MYLK: variants seen among roughly 807,000 people sequenced by gnomAD.
MYLK encodes the protein myosin light chain kinase, also known as myosin light chain kinase, smooth muscle.
MYLK carries 106 observed loss-of-function variants against 203.4 expected under a neutral mutation model. The observed-to-expected ratio is 0.52, with a 90% CI of 0.45 to 0.61. MYLK has a LOEUF of 0.61. MYLK is among the 20% of genes least tolerant of loss of function. The pLI is 0.00. For synonymous variants in MYLK, 867 were observed against 959.5 expected (o/e 0.90, Z 1.78); for missense variants, 2,072 against 2,442.3 (o/e 0.85, Z 3.20).
chr3:123,757,283 C>T (rs1256749642), intron 4 of MYLK, among the ~76,000 whole-genome samples: 1 of 152,168 alleles, frequency 6.6e-6, no homozygotes, highest in Admixed American at 6.5e-5. Context: ...ATTCTTTGTC[C>T]CTATAGGTCC....
rs376858063 is a variant in MYLK at position 123,834,608 on chromosome 3, T to C, written c.-126-2938A>G. ...AGCATTGGGATGCGCAGTGGGATTA[T>C]TGACTGTCACAACGACTTGAGAACA... On this transcript the variant is annotated intron_variant, in intron 2 of 33. Transcript: ENST00000360304. Among the ~76,000 whole-genome samples, 106 of 152,164 alleles carry C rather than the reference T, an allele frequency of 7.0e-4. 2 individuals carry two copies. The South Asian group carries it at 0.011, about 16-fold the overall frequency.
At chr3:123,749,102 C>CATACATAT (rs1209499649) in intron 5 of MYLK, among the ~76,000 whole-genome samples, 3 of 151,172 alleles carry the variant, frequency 2.0e-5, no homozygotes, top group African/African-American at 7.3e-5. Flanking sequence ...TACATACATA[C>CATACATAT]ATACATACAT....
intron 3 of MYLK, among the ~76,000 whole-genome samples, chr3:123,803,559 C>T (rs1248746897): frequency 6.6e-6 from 1 of 152,150 alleles, no homozygotes; most frequent in East Asian, 1.9e-4. Flanking sequence ...CCTAGTGCAC[C>T]TTTCTCTAAG....
In MYLK at chr3:123,686,745, G is replaced by C. The variant is rs536835516; in HGVS notation, c.3566-4435C>G. Among the ~76,000 whole-genome samples the C allele has an allele frequency of 2.0e-5, 3 of 152,310 alleles. No homozygotes were observed. The East Asian group carries it at 5.8e-4, about 29-fold the overall frequency. On this transcript the variant is annotated intron_variant, in intron 19 of 33. Transcript: ENST00000360304. ...AGAAGAGTGAGGGAGGTGTGGCCAA[G>C]TCGTAAGGTGATGGCTGACATTTAC...
intron 3 of MYLK, among the ~76,000 whole-genome samples, chr3:123,826,144 G>A (rs996407278): frequency 1.3e-5 from 2 of 152,130 alleles, no homozygotes; most frequent in African/African-American, 4.8e-5. Context: ...CTTTGCACCT[G>A]GGTCCCAAAC....
chr3:123,852,670 CA>C (rs1449733030), intron 2 of MYLK, among the ~76,000 whole-genome samples: 11 of 151,946 alleles, frequency 7.2e-5, no homozygotes, highest in Non-Finnish European at 1.3e-4. Context: ...CTGATCTTTT[CA>C]AAAAACCAGC....
At chr3:123,806,943 G>A (rs1318720685) in intron 3 of MYLK, among the ~76,000 whole-genome samples, 2 of 151,920 alleles carry the variant, frequency 1.3e-5, no homozygotes, top group Non-Finnish European at 2.9e-5. Context: ...GGGATTACAG[G>A]CGTGAACCAC....
At chr3:123,699,866 C>A (rs756871987) in intron 18 of MYLK, among the ~76,000 whole-genome samples, 154 bp downstream of exon 18, 1 of 152,160 alleles carries the variant, frequency 6.6e-6, no homozygotes, top group Non-Finnish European at 1.5e-5. Context: ...AACAGGGACG[C>A]GGCCCTCCTA....
At chr3:123,729,336 T>A (rs185624373) in intron 11 of MYLK, among the ~76,000 whole-genome samples, 2 of 152,326 alleles carry the variant, frequency 1.3e-5, no homozygotes, top group African/African-American at 4.8e-5. Context: ...AGCAGGGACT[T>A]CTGTGGCCGC....
chr3:123,745,356 G>T (rs2062983910), intron 5 of MYLK, among the ~76,000 whole-genome samples: 1 of 152,118 alleles, frequency 6.6e-6, no homozygotes, highest in African/African-American at 2.4e-5. Flanking sequence ...TCTGTTTAGG[G>T]CCAGTGGCTT....
rs904766920 is a variant in MYLK, at chr3:123,648,191, C to A, written c.4416-764G>T. Among the ~76,000 whole-genome samples, 1 of 152,210 alleles carries A rather than the reference C, an allele frequency of 6.6e-6. No individual in the cohort carries two copies. The highest frequency in any genetic ancestry group is 2.4e-5 in the African/African-American group (1 of 41,452). On this transcript the variant is annotated intron_variant, in intron 26 of 33. Transcript: ENST00000360304. The surrounding 1 kb of genome is among the most constrained non-coding windows in gnomAD (Gnocchi z 4.5). ...GGAGTCCCACTCCTTTCTCTCCCAC[C>A]TCTTCTATTCCTCCAGGGACAGCGT... is the stretch of plus-strand genomic sequence containing the variant.
At chr3:123,701,081 C>T (rs1448070460) in intron 17 of MYLK, 76 bp from the exon 18 acceptor site, 2 of 810,700 alleles carry the variant, frequency 2.5e-6, no homozygotes, top group East Asian at 1.0e-4. Flanking sequence ...CAGGGGAGAG[C>T]AAATCCCTGA....
At chr3:123,761,409 G>T (rs1487031291) in intron 4 of MYLK, among the ~76,000 whole-genome samples, 1 of 152,136 alleles carries the variant, frequency 6.6e-6, no homozygotes, top group Non-Finnish European at 1.5e-5. Context: ...CATGCATTCT[G>T]CTCACTCTCC....
chr3:123,747,261 G>T (rs1253057963), intron 5 of MYLK, among the ~76,000 whole-genome samples: 1 of 152,094 alleles, frequency 6.6e-6, no homozygotes, highest in Non-Finnish European at 1.5e-5. Flanking sequence ...TGTGACAGGG[G>T]GTCATTCTCC....
chr3:123,821,024 C>T (rs1446188963), intron 3 of MYLK, among the ~76,000 whole-genome samples: 5 of 152,116 alleles, frequency 3.3e-5, no homozygotes, highest in East Asian at 1.9e-4. Flanking sequence ...CCACCACGCC[C>T]GGCTGAGCTA....
At chr3:123,761,429 G>A (rs1029842178) in intron 4 of MYLK, among the ~76,000 whole-genome samples, 6 of 152,190 alleles carry the variant, frequency 3.9e-5, no homozygotes, top group African/African-American at 1.4e-4. Context: ...CCAGGTGGCG[G>A]CTCTGAGGGA....
In MYLK at chr3:123,696,070, C is replaced by G. The variant is rs59551257; in HGVS notation, c.3449-3219G>C. On this transcript the variant is annotated intron_variant, in intron 18 of 33. Transcript: ENST00000360304. ...GCCACAAATCAACTAGTGGTGAACT[C>G]TAGCCCATGGCTGTCAAACCTCTTC... 9.4e-3 allele frequency among the ~76,000 whole-genome samples: 1,429 copies of G among 152,246 alleles called. 21 individuals are homozygous for G. Among genetic ancestry groups the G allele is most frequent in the African/African-American group, 0.032 (1,329 of 41,574 alleles).
Position 123,648,863 on chromosome 3 carries a change from A to T in MYLK, c.4415+108T>A. 1 of 897,166 alleles carries T rather than the reference A, an allele frequency of 1.1e-6. No homozygotes were observed. Among genetic ancestry groups the T allele is most frequent in the East Asian group, 2.4e-5 (1 of 41,394 alleles). 55.6% of individuals were successfully genotyped at this position (897,166 alleles called of 1,614,324 possible). A position where few individuals can be genotyped will look rare whatever the true frequency, so the allele number is the denominator to read the frequency against. ...ATCCTGCAGGACTCTCAGTCTGGGG[A>T]GGAGGCAGGCCCCAGGGAGCAACAG... On this transcript the variant is annotated intron_variant, in intron 26 of 33. Coordinates refer to ENST00000360304, the MANE Select transcript of MYLK (RefSeq NM_053025.4). This position sits in a 1 kb window ranked among gnomAD's most constrained non-coding sequence, Gnocchi z 4.5.
intron 2 of MYLK, among the ~76,000 whole-genome samples, chr3:123,859,823 A>T (rs1426181223): frequency 1.3e-5 from 2 of 152,244 alleles, no homozygotes; most frequent in Non-Finnish European, 2.9e-5. Flanking sequence ...ACGAAAGTTT[A>T]AATGACTGGT....
Sources: allele counts gnomAD v4.1 joint callset (sites outside exome capture counted in the v4.1 genomes callset), GRCh38; gene constraint gnomAD v4.1.1; non-coding constraint Gnocchi (gnomAD v3.1); transcripts MANE v1.5; gene names NCBI Gene and HGNC (gene_info 2026-07-23, HGNC 2026-07-21).